The following PCDH15 variants were observed in gnomAD, a reference collection of about 807,000 sequenced individuals.
PCDH15 encodes the protein protocadherin related 15, also known as protocadherin-15.
A neutral mutation model predicts 178.5 loss-of-function variants in PCDH15; 129 were observed. The ratio of observed to expected loss-of-function variants is 0.72; its 90% CI spans 0.63 to 0.84. The LOEUF is 0.84. Among genes scored for constraint, PCDH15 ranks in the 40% least tolerant of loss-of-function variants. The pLI is 0.00. For missense variants in PCDH15, 2,230 were observed against 2,099.9 expected, an observed-to-expected ratio of 1.06 and a Z score of -1.21; for synonymous variants, 800 against 732.0, an observed-to-expected ratio of 1.09 and a Z score of -1.50.
At chr10:54,999,607 C>G (rs569590658) in intron 2 of PCDH15, among the ~76,000 whole-genome samples, 18 of 152,134 alleles carry the variant, frequency 1.2e-4, no homozygotes, top group African/African-American at 4.1e-4. Context: ...GCTGGTGCTG[C>G]GTGCTTCAGA....
chr10:55,342,058 C>A (rs1900476), intron 2 of PCDH15, among the ~76,000 whole-genome samples: 11 of 150,228 alleles, frequency 7.3e-5, no homozygotes, highest in African/African-American at 2.4e-4. Flanking sequence ...TTAATATTTC[C>A]AAGAAAATCA....
At chr10:55,490,466 C>T (rs1840387342) in intron 2 of PCDH15, among the ~76,000 whole-genome samples, 1 of 151,734 alleles carries the variant, frequency 6.6e-6, no homozygotes, top group Admixed American at 6.6e-5. Context: ...TATTTTCTCA[C>T]AAAGTGCTGC....
intron 13 of PCDH15, among the ~76,000 whole-genome samples, chr10:54,159,313 G>GT (rs1218098245): frequency 6.6e-6 from 1 of 151,996 alleles, no homozygotes; most frequent in African/African-American, 2.4e-5. Flanking sequence ...GTAAAAGAGT[G>GT]TTTTTTTCTT....
chr10:54,359,627 T>C (rs1259080498), intron 5 of PCDH15, among the ~76,000 whole-genome samples: 1 of 152,018 alleles, frequency 6.6e-6, no homozygotes, highest in Non-Finnish European at 1.5e-5. Context: ...ATAAATATAA[T>C]GCACATTGAA....
At chr10:54,697,855 G>A (rs1029513223) in intron 1 of PCDH15, among the ~76,000 whole-genome samples, 3 of 151,886 alleles carry the variant, frequency 2.0e-5, no homozygotes, top group Admixed American at 6.6e-5. Flanking sequence ...ACATAAAAAC[G>A]TTCTCACCTA....
At chr10:54,668,563 C>CAAATATAAATCCA (rs2094607668) in intron 1 of PCDH15, among the ~76,000 whole-genome samples, 1 of 152,142 alleles carries the variant, frequency 6.6e-6, no homozygotes, top group Admixed American at 6.6e-5. Context: ...CTTTCACTTT[C>CAAATATAAATCCA]AAATATAAAT....
At chr10:55,477,161 A>G (rs1840078939) in intron 2 of PCDH15, among the ~76,000 whole-genome samples, 1 of 152,002 alleles carries the variant, frequency 6.6e-6, no homozygotes, top group Non-Finnish European at 1.5e-5. Context: ...ACTAAACATA[A>G]GAATATAATC....
At chr10:55,301,319 C>T (rs1388659855) in intron 1 of PCDH15, among the ~76,000 whole-genome samples, 2 of 152,076 alleles carry the variant, frequency 1.3e-5, no homozygotes, top group Non-Finnish European at 2.9e-5. Flanking sequence ...TGAAGCGATG[C>T]CTCCTTATGG....
At chr10:55,379,625 G>A (rs1371403085) in intron 2 of PCDH15, among the ~76,000 whole-genome samples, 1 of 151,914 alleles carries the variant, frequency 6.6e-6, no homozygotes, top group East Asian at 1.9e-4. Flanking sequence ...TTATTTAGCT[G>A]TAAATACTTA....
intron 1 of PCDH15, among the ~76,000 whole-genome samples, chr10:54,718,257 A>G (rs1390510846): frequency 6.8e-6 from 1 of 147,820 alleles, no homozygotes; most frequent in African/African-American, 2.5e-5. Flanking sequence ...AACTTGAAGT[A>G]TAATAATAAT....
chr10:54,664,594 G>C (rs1363613077), intron 1 of PCDH15, among the ~76,000 whole-genome samples: 1 of 151,972 alleles, frequency 6.6e-6, no homozygotes, highest in African/African-American at 2.4e-5. Flanking sequence ...GACATTATGG[G>C]TAAGTCCAAT....
intron 10 of PCDH15, among the ~76,000 whole-genome samples, chr10:54,207,014 G>T (rs928333902): frequency 3.9e-5 from 6 of 152,036 alleles, no homozygotes; most frequent in Admixed American, 6.6e-5. Context: ...AAAAAGCAAG[G>T]TACTCTGATG....
At position 54,132,940 on chromosome 10, in the gene PCDH15, G is replaced by C; in HGVS notation, c.1852C>G (p.Gln618Glu). 1 of 1,614,092 alleles carries C rather than the reference G, an allele frequency of 6.2e-7. No individual in the cohort carries two copies. The highest frequency in any genetic ancestry group is 2.2e-5 in the East Asian group (1 of 44,848). ...CTAATTTCAAGGCTATACATCAGCT[G>C]TGGGAAGCGAGGAGGGCTTTGATTA... is the stretch of plus-strand genomic sequence containing the variant. ...PNNQSPPRFP[Q>E]LMYSLEISEA... Residue 618 changes from glutamine (Q) to glutamate (E), a missense_variant, in exon 15 of 38, where the codon CAG becomes GAG. By Grantham distance (29) the Gln-to-Glu change is conservative. Transcript: ENST00000644397.
At chr10:55,523,823 T>C (rs1393985994) in intron 2 of PCDH15, among the ~76,000 whole-genome samples, 1 of 151,632 alleles carries the variant, frequency 6.6e-6, no homozygotes, top group Non-Finnish European at 1.5e-5. Context: ...TAGTAACACA[T>C]GCTCAATTGC....
At chr10:54,246,664 C>G (rs80090178) in intron 8 of PCDH15, among the ~76,000 whole-genome samples, 2,051 of 151,766 alleles carry the variant, frequency 0.014, 57 homozygotes, top group African/African-American at 0.046. Flanking sequence ...AGTATGTCTT[C>G]TTACTGATAT....
At chr10:55,187,972 G>A (rs1330474945) in intron 1 of PCDH15, among the ~76,000 whole-genome samples, 6 of 151,888 alleles carry the variant, frequency 4.0e-5, no homozygotes, top group East Asian at 1.9e-4. Flanking sequence ...AGAATGATCC[G>A]TTAGGACGCT....
chr10:54,800,681 T>C (rs558154702), intron 1 of PCDH15, among the ~76,000 whole-genome samples: 16 of 152,194 alleles, frequency 1.1e-4, no homozygotes, highest in African/African-American at 3.9e-4. Context: ...AAAGATTACA[T>C]TGTCATCTAA....
chr10:54,068,493 T>C (rs1002432476), intron 17 of PCDH15, among the ~76,000 whole-genome samples: 1 of 152,188 alleles, frequency 6.6e-6, no homozygotes, highest in African/African-American at 2.4e-5. Flanking sequence ...TACAGGATTG[T>C]GTTTTATATA....
At chr10:54,905,581 A>G (rs926871554) in intron 2 of PCDH15, among the ~76,000 whole-genome samples, 3 of 152,148 alleles carry the variant, frequency 2.0e-5, no homozygotes, top group African/African-American at 7.2e-5. Context: ...ATTTGCAAAC[A>G]AGATAAGAAA....
Sources: gnomAD v4.1 joint callset for allele counts (sites outside exome capture counted in the v4.1 genomes callset) on GRCh38, gnomAD v4.1.1 for gene constraint, MANE v1.5 for transcripts, NCBI Gene and HGNC (gene_info 2026-07-23, HGNC 2026-07-21) for gene names.